Variants in ARSG observed in about 807,000 individuals in gnomAD.
The protein encoded by ARSG is arylsulfatase G.
ARSG carries 37 observed loss-of-function variants against 50.5 expected under a neutral mutation model. The observed-to-expected ratio is 0.73, with a 90% CI of 0.56 to 0.96. The LOEUF (loss-of-function observed/expected upper bound fraction) is 0.96, where lower values mean the gene tolerates loss of function less well. Ranked by LOEUF, ARSG falls within the 50% of genes least tolerant of loss-of-function variation. The pLI is 0.00. For missense variants in ARSG, 629 were observed against 675.3 expected, an observed-to-expected ratio of 0.93 and a Z score of 0.76; for synonymous variants, 225 against 254.6, an observed-to-expected ratio of 0.88 and a Z score of 1.11.
chr17:68,348,965 C>A (rs1245084118), intron 4 of ARSG, among the ~76,000 whole-genome samples: 1 of 152,066 alleles, frequency 6.6e-6, no homozygotes, highest in Admixed American at 6.6e-5. Flanking sequence ...GACCTGTGGT[C>A]CAAATCCAGT....
the ARSG span, chr17:68,428,793 C>G: frequency 6.5e-7 from 1 of 1,533,818 alleles, no homozygotes; most frequent in Non-Finnish European, 9.0e-7. Flanking sequence ...ACGACCAGCT[C>G]TCGAAAGGCT....
At chr17:68,325,709 G>A (rs1407229857) in intron 2 of ARSG, among the ~76,000 whole-genome samples, 1 of 152,134 alleles carries the variant, frequency 6.6e-6, no homozygotes, top group Non-Finnish European at 1.5e-5. Context: ...GAGCCAGTTG[G>A]CCCATTCTTT....
chr17:68,300,400 C>T (rs2076367902), intron 1 of ARSG, among the ~76,000 whole-genome samples: 1 of 152,120 alleles, frequency 6.6e-6, no homozygotes, highest in Non-Finnish European at 1.5e-5. Context: ...TGACAACTTC[C>T]ATAATAAAAT....
chr17:68,303,938 G>T (rs966001835), intron 1 of ARSG, among the ~76,000 whole-genome samples: 1 of 152,138 alleles, frequency 6.6e-6, no homozygotes, highest in Non-Finnish European at 1.5e-5. Flanking sequence ...GGCTAGATTC[G>T]CTTATTTCCA....
chr17:68,287,807 T>C (rs1341149079), upstream of ARSG, among the ~76,000 whole-genome samples: 1 of 152,162 alleles, frequency 6.6e-6, no homozygotes, highest in East Asian at 1.9e-4. Context: ...TGGGTGATAA[T>C]GCCTGTATTT....
At chr17:68,267,866 C>T (rs1207688013) in intron 1 of ARSG, 2 of 152,154 alleles carry the variant, frequency 1.3e-5, no homozygotes, top group South Asian at 4.1e-4. Flanking sequence ...ACTTGTAACT[C>T]GCTATAACAT....
chr17:68,380,196 T>G (rs2080363304), intron 8 of ARSG, among the ~76,000 whole-genome samples: 2 of 151,990 alleles, frequency 1.3e-5, no homozygotes, highest in African/African-American at 4.8e-5. Context: ...CCTTCCTTCC[T>G]TCTACCTTCC....
At chr17:68,262,171 A>G (rs1335625513) in intron 1 of ARSG, among the ~76,000 whole-genome samples, 1 of 18,428 alleles carries the variant, frequency 5.4e-5, no homozygotes, top group African/African-American at 7.8e-4. Flanking sequence ...GAAAACAAAC[A>G]AAAAAAAAAA....
intron 11 of ARSG, among the ~76,000 whole-genome samples, chr17:68,409,931 G>T (rs113728009): frequency 6.7e-6 from 1 of 148,984 alleles, no homozygotes; most frequent in Non-Finnish European, 1.5e-5. Flanking sequence ...TTTGTCTGTT[G>T]TTGGTGTATA....
intron 11 of ARSG, among the ~76,000 whole-genome samples, chr17:68,419,803 A>AAAC (rs1288242210): frequency 6.6e-6 from 1 of 151,020 alleles, no homozygotes; most frequent in African/African-American, 2.4e-5. Context: ...CTGGAAAAAA[A>AAAC]AAAAAAAAGT....
chr17:68,298,314 TGGACTA>T (rs1568433288), intron 1 of ARSG, among the ~76,000 whole-genome samples: 25 of 152,026 alleles, frequency 1.6e-4, no homozygotes, highest in African/African-American at 6.0e-4. Context: ...TAAAATACCA[TGGACTA>T]GGCTGGGCTT....
chr17:68,342,331 T>C (rs1234141356), intron 2 of ARSG, among the ~76,000 whole-genome samples: 1 of 150,920 alleles, frequency 6.6e-6, no homozygotes, highest in African/African-American at 2.4e-5. Context: ...TATGTACATA[T>C]ATATATATAC....
chr17:68,411,471 G>A (rs1323631820), intron 11 of ARSG, among the ~76,000 whole-genome samples: 1 of 152,160 alleles, frequency 6.6e-6, no homozygotes, highest in Admixed American at 6.5e-5. Flanking sequence ...TAGTTTGATT[G>A]CACTGTGGTC....
chr17:68,297,969 C>CTTTT (rs56199177), intron 1 of ARSG, among the ~76,000 whole-genome samples: 3 of 132,028 alleles, frequency 2.3e-5, no homozygotes, highest in South Asian at 2.4e-4. Context: ...TACTGTGACT[C>CTTTT]TTTTTTTTTT....
At chr17:68,331,261 C>CT (rs1227199121) in intron 2 of ARSG, among the ~76,000 whole-genome samples, 3 of 107,526 alleles carry the variant, frequency 2.8e-5, no homozygotes, top group Non-Finnish European at 6.4e-5. Context: ...TTCTTTCTTT[C>CT]TTTTTTTGAG....
upstream of ARSG, among the ~76,000 whole-genome samples, chr17:68,288,763 T>C (rs1259921572): frequency 6.6e-6 from 1 of 152,244 alleles, no homozygotes; most frequent in Non-Finnish European, 1.5e-5. Context: ...GTTGGTCTTC[T>C]TAAAGCTCTT....
chr17:68,429,952 G>T, the ARSG span: 1 of 1,609,532 alleles, frequency 6.2e-7, no homozygotes, highest in Admixed American at 1.7e-5. Context: ...AAAATACATT[G>T]ACGAAAGTGT....
chr17:68,449,744 C>T, the ARSG span, among the ~76,000 whole-genome samples: 1 of 152,220 alleles, frequency 6.6e-6, no homozygotes, highest in African/African-American at 2.4e-5. Context: ...GTACAGCCTG[C>T]AGAACCTTGA....
At chr17:68,439,811 G>C in the ARSG span, among the ~76,000 whole-genome samples, 1 of 152,164 alleles carries the variant, frequency 6.6e-6, no homozygotes, top group Admixed American at 6.5e-5. Flanking sequence ...AGGCTACCGT[G>C]ATATAGAGGT....
Sources: allele counts gnomAD v4.1 joint callset (sites outside exome capture counted in the v4.1 genomes callset), GRCh38; gene constraint gnomAD v4.1.1; transcripts MANE v1.5; gene names NCBI Gene and HGNC (gene_info 2026-07-23, HGNC 2026-07-21).